The following PLA2G4A variants were observed in gnomAD, a reference collection of about 807,000 sequenced individuals.
PLA2G4A encodes the protein phospholipase A2 group IVA.
PLA2G4A carries 40 observed loss-of-function variants against 81.9 expected under a neutral mutation model. The observed-to-expected ratio is 0.49, with a 90% confidence interval of 0.38 to 0.64. PLA2G4A has a LOEUF of 0.64. PLA2G4A is among the 30% of genes least tolerant of loss of function. PLA2G4A has a pLI of 0.00. For missense variants in PLA2G4A, 715 were observed against 905.1 expected (o/e 0.79, Z 2.69); for synonymous variants, 302 against 296.9 (o/e 1.02, Z -0.18).
intron 7 of PLA2G4A, among the ~76,000 whole-genome samples, chr1:186,912,920 C>A (rs970550517): frequency 1.3e-5 from 2 of 148,854 alleles, no homozygotes; most frequent in South Asian, 2.1e-4. Flanking sequence ...AAAGTTTAGC[C>A]TCAAATATAA....
chr1:186,830,957 G>GCTTT (rs71104890), intron 1 of PLA2G4A, among the ~76,000 whole-genome samples: 1,073 of 82,654 alleles, frequency 0.013, 7 homozygotes, highest in South Asian at 0.018. Context: ...TTGCTTGCTT[G>GCTTT]CTTTCTTTCT....
intron 1 of PLA2G4A, among the ~76,000 whole-genome samples, chr1:186,837,608 G>C (rs1651828734): frequency 6.6e-6 from 1 of 150,396 alleles, no homozygotes; most frequent in Admixed American, 6.6e-5. Flanking sequence ...GTGGTGGCGG[G>C]CGCCTGTAGT....
At chr1:186,910,764 C>T (rs1328967827) in intron 6 of PLA2G4A, among the ~76,000 whole-genome samples, 4 of 152,184 alleles carry the variant, frequency 2.6e-5, no homozygotes, top group African/African-American at 9.6e-5. Context: ...AGGGGGGCAT[C>T]CATTAGACAA....
At chr1:186,977,472 C>A (rs1312231793) in intron 15 of PLA2G4A, 121 bp from the exon 16 acceptor site, 26 of 693,202 alleles carry the variant, frequency 3.8e-5, no homozygotes, top group Non-Finnish European at 6.6e-5. Flanking sequence ...CGTGATTCAT[C>A]CTAGCAAGGA....
intron 16 of PLA2G4A, 84 bp from the exon 17 acceptor site, chr1:186,979,231 A>G (rs1279048851): frequency 9.9e-7 from 1 of 1,006,962 alleles, no homozygotes; most frequent in Non-Finnish European, 1.6e-6. Flanking sequence ...TGCTGTCTTT[A>G]TGTCTGTATG....
chr1:186,845,120 G>C (rs940000377), intron 1 of PLA2G4A, among the ~76,000 whole-genome samples: 17 of 152,128 alleles, frequency 1.1e-4, no homozygotes, highest in African/African-American at 4.1e-4. Context: ...TGAGGCCCCA[G>C]AATTGCTTGA....
chr1:186,929,226 A>G (rs1333306834), intron 7 of PLA2G4A, among the ~76,000 whole-genome samples: 1 of 152,230 alleles, frequency 6.6e-6, no homozygotes, highest in African/African-American at 2.4e-5. Context: ...TCTTGATTGT[A>G]TTACTTATTA....
Position 186,968,393 on chromosome 1 carries a change from G to GGTGTGTGTGTGT in PLA2G4A, c.1764+2806_1764+2807insGTGTGTGTGTGT, listed in dbSNP as rs1291464246. Reference sequence around the variant, plus strand: ...GTATTTTCTTCTAGTCTCTTTTCGCGGTGTGTATGTGTGTGTGTGTGTGTG... The same window carrying GGTGTGTGTGTGT: ...GTATTTTCTTCTAGTCTCTTTTCGCGGTGTGTGTGTGTGTGTGTATGTGTGTGTGTGTGTGTG... On this transcript the variant is annotated intron_variant, in intron 15 of 17. Coordinates refer to ENST00000367466, the MANE Select transcript of PLA2G4A (RefSeq NM_024420.3). Among the ~76,000 whole-genome samples the GGTGTGTGTGTGT allele has an allele frequency of 2.2e-3, 70 of 31,560 alleles. 1 individual carries two copies. Among genetic ancestry groups the GGTGTGTGTGTGT allele is most frequent in the East Asian group, 6.4e-3 (11 of 1,732 alleles). 20.7% of individuals were successfully genotyped at this position (31,560 alleles called of 152,430 possible). A position where few individuals can be genotyped will look rare whatever the true frequency, so the allele number is the denominator to read the frequency against.
rs1652364739 is a variant in PLA2G4A at position 186,851,361 on chromosome 1, G to A, written c.-69-2925G>A. ...ATGTGGACCATCATATGCATAGAAC[G>A]CTTCATATTAAGAAATCACTTCTGA... On this transcript the variant is annotated intron_variant, in intron 1 of 17. Transcript: ENST00000367466. Among the ~76,000 whole-genome samples, 3 of 150,640 alleles carry A rather than the reference G, an allele frequency of 2.0e-5. No individual in the cohort carries two copies. The Admixed American group carries it at 2.0e-4, about 10-fold the overall frequency.
rs55745208 is a variant in PLA2G4A at position 186,830,608 on chromosome 1, CAAAAAAAA to C, written c.-70+1590_-70+1597del. On this transcript the variant is annotated intron_variant, in intron 1 of 17. Transcript: ENST00000367466. Reference sequence around the variant, plus strand: ...GAGCGAAAACAGCGAAGCTCTGTCTCAAAAAAAAAAAAAAAAAAAAAAAAGTAAGTTAT... The same window carrying C: ...GAGCGAAAACAGCGAAGCTCTGTCTCAAAAAAAAAAAAAAAAGTAAGTTAT... 7.4e-4 allele frequency among the ~76,000 whole-genome samples: 54 copies of C among 72,690 alleles called. 2 individuals carry two copies. Among genetic ancestry groups the C allele is most frequent in the African/African-American group, 2.5e-3 (47 of 18,602 alleles). The allele number at this position is 72,690 out of a possible 152,430, so 47.7% of individuals were successfully genotyped here. A position where few individuals can be genotyped will look rare whatever the true frequency, so the allele number is the denominator to read the frequency against.
At chr1:186,946,983 A>G (rs12720625) in intron 12 of PLA2G4A, 22 bp downstream of exon 12, 18,029 of 1,244,036 alleles carry the variant, frequency 0.014, 198 homozygotes, top group Non-Finnish European at 0.019. Flanking sequence ...ATATGCTTAC[A>G]TTGATACAAA....
chr1:186,942,298 T>C (rs999039898), intron 10 of PLA2G4A, among the ~76,000 whole-genome samples: 1 of 152,184 alleles, frequency 6.6e-6, no homozygotes, highest in Non-Finnish European at 1.5e-5. Context: ...AATTGTTTGA[T>C]CTATAACACT....
intron 2 of PLA2G4A, among the ~76,000 whole-genome samples, chr1:186,863,691 T>C (rs1272535793): frequency 6.6e-6 from 1 of 152,072 alleles, no homozygotes; most frequent in Non-Finnish European, 1.5e-5. Context: ...TCTACTTCTA[T>C]GGCATCAACT....
intron 2 of PLA2G4A, among the ~76,000 whole-genome samples, chr1:186,856,475 C>T (rs1306683239): frequency 6.6e-6 from 1 of 151,158 alleles, no homozygotes; most frequent in Non-Finnish European, 1.5e-5. Context: ...CTGCAACTAC[C>T]ATCTCTCGGG....
chr1:186,940,120 C>A, intron 10 of PLA2G4A, 26 bp downstream of exon 10: 2 of 1,213,476 alleles, frequency 1.6e-6, no homozygotes, highest in Non-Finnish European at 2.5e-6. Context: ...TCTCAGAACA[C>A]TTCCTGGAAC....
In PLA2G4A at chr1:186,908,968, CTTTTTTTTTTT is replaced by C. The variant is rs1201226836; in HGVS notation, c.416+1979_416+1989del. Among the ~76,000 whole-genome samples the C allele has an allele frequency of 9.9e-4, 74 of 75,086 alleles. 1 individual carries two copies. In the East Asian group the frequency reaches 0.028, roughly 28 times the overall value. 49.3% of individuals were successfully genotyped at this position (75,086 alleles called of 152,430 possible). A position where few individuals can be genotyped will look rare whatever the true frequency, so the allele number is the denominator to read the frequency against. On this transcript the variant is annotated intron_variant, in intron 6 of 17. Transcript: ENST00000367466. Reference sequence around the variant, plus strand: ...GTAAGATTTTAATTTCTTTTCTTTTCTTTTTTTTTTTTTTTTTTTTTTTGAGACGGAGTCTT... The same window carrying C: ...GTAAGATTTTAATTTCTTTTCTTTTCTTTTTTTTTTTTGAGACGGAGTCTT...
intron 8 of PLA2G4A, among the ~76,000 whole-genome samples, chr1:186,933,709 A>C (rs1655832613): frequency 6.6e-6 from 1 of 152,160 alleles, no homozygotes; most frequent in Non-Finnish European, 1.5e-5. Flanking sequence ...ATATATGTCT[A>C]GCATTTTAAA....
At chr1:186,880,451 C>T (rs895697136) in intron 3 of PLA2G4A, among the ~76,000 whole-genome samples, 5 of 151,780 alleles carry the variant, frequency 3.3e-5, no homozygotes, top group East Asian at 3.9e-4. Flanking sequence ...TGGTTCTAAA[C>T]TGGGAAACAA....
chr1:186,966,590 C>T (rs1256489159), intron 15 of PLA2G4A, among the ~76,000 whole-genome samples: 3 of 151,922 alleles, frequency 2.0e-5, no homozygotes, highest in East Asian at 1.9e-4. Flanking sequence ...AATAAAAGTC[C>T]GCCTGTGTTG....
Sources: gnomAD v4.1 joint callset for allele counts (sites outside exome capture counted in the v4.1 genomes callset) on GRCh38, gnomAD v4.1.1 for gene constraint, MANE v1.5 for transcripts, NCBI Gene and HGNC (gene_info 2026-07-23, HGNC 2026-07-21) for gene names.